The following SLC25A21 variants were observed in gnomAD, a reference collection of about 807,000 sequenced individuals.
SLC25A21 encodes solute carrier family 25 member 21.
A neutral mutation model predicts 43.8 loss-of-function variants in SLC25A21; 47 were observed. The ratio of observed to expected loss-of-function variants is 1.07; its 90% CI spans 0.85 to 1.37. SLC25A21 has a LOEUF of 1.37. SLC25A21 is among the 40% of genes most tolerant of loss of function. SLC25A21 has a pLI of 0.00. For missense variants in SLC25A21, 352 were observed against 350.2 expected (o/e 1.00, Z -0.04); for synonymous variants, 131 against 121.3 (o/e 1.08, Z -0.52).
chr14:36,949,927 A>G (rs1020018471), intron 1 of SLC25A21, among the ~76,000 whole-genome samples: 1 of 152,204 alleles, frequency 6.6e-6, no homozygotes, highest in African/African-American at 2.4e-5. Flanking sequence ...AACATGTACA[A>G]GAAAACTCTG....
intron 7 of SLC25A21, among the ~76,000 whole-genome samples, chr14:36,694,935 G>A (rs1212443603): frequency 2.6e-5 from 4 of 152,096 alleles, no homozygotes; most frequent in African/African-American, 7.2e-5. Flanking sequence ...TGTCAGTTTT[G>A]GCTTTTCTTG....
At chr14:36,709,382 T>A (rs1307490177) in intron 7 of SLC25A21, among the ~76,000 whole-genome samples, 1 of 152,172 alleles carries the variant, frequency 6.6e-6, no homozygotes, top group East Asian at 1.9e-4. Flanking sequence ...CCTTACAAAT[T>A]ATTTAGCAGG....
intron 1 of SLC25A21, among the ~76,000 whole-genome samples, chr14:36,930,600 C>A (rs1244427619): frequency 6.6e-6 from 1 of 152,128 alleles, no homozygotes; most frequent in East Asian, 1.9e-4. Context: ...CACCCCCAGC[C>A]CCTGCTGTAT....
chr14:36,877,001 G>A (rs1890554271), intron 1 of SLC25A21, among the ~76,000 whole-genome samples: 1 of 151,648 alleles, frequency 6.6e-6, no homozygotes, highest in Non-Finnish European at 1.5e-5. Flanking sequence ...TATTATATTA[G>A]TTATAAGATA....
chr14:37,076,400 T>G (rs950529829), intron 1 of SLC25A21, among the ~76,000 whole-genome samples: 2 of 152,134 alleles, frequency 1.3e-5, no homozygotes, highest in Non-Finnish European at 2.9e-5. Flanking sequence ...CTTGAACTCC[T>G]GAGCTCAGGT....
chr14:36,874,442 C>T (rs868126160), intron 2 of SLC25A21, among the ~76,000 whole-genome samples: 3 of 152,180 alleles, frequency 2.0e-5, no homozygotes, highest in Non-Finnish European at 2.9e-5. Context: ...AGATTTAATA[C>T]ATTGCCCTGG....
At chr14:36,928,926 T>C (rs1247901182) in intron 1 of SLC25A21, among the ~76,000 whole-genome samples, 1 of 152,178 alleles carries the variant, frequency 6.6e-6, no homozygotes, top group African/African-American at 2.4e-5. Flanking sequence ...TCATTGTGCA[T>C]AATCCAGGCT....
At position 36,753,976 on chromosome 14, in the gene SLC25A21, C is replaced by T. The variant is rs191643269; in HGVS notation, c.204-19403G>A. ...GAGAGAGAGAAAGAGAGAGAAAAAG[C>T]GAGCAGATCAAAGAGAGATCAAAGT... On this transcript the variant is annotated intron_variant, in intron 3 of 9. Transcript: ENST00000331299. Among the ~76,000 whole-genome samples, 482 of 128,134 alleles carry T rather than the reference C, an allele frequency of 3.8e-3. 3 individuals carry two copies. Among genetic ancestry groups the T allele is most frequent in the African/African-American group, 0.012 (449 of 37,642 alleles). 84.1% of individuals were successfully genotyped at this position (128,134 alleles called of 152,430 possible).
Position 36,725,676 on chromosome 14 carries a change from G to A in SLC25A21, c.332C>T (p.Thr111Ile), listed in dbSNP as rs773529667. 31 of 1,592,398 alleles carry A rather than the reference G, an allele frequency of 1.9e-5. No individual in the cohort carries two copies. Among genetic ancestry groups the A allele is most frequent in the Non-Finnish European group, 2.6e-5 (30 of 1,168,834 alleles). The change falls in exon 6 of 10, where the codon ACA (threonine) becomes ATA (isoleucine). Residue 111 changes from threonine (T) to isoleucine (I), a missense_variant and splice_region_variant. Coordinates refer to ENST00000331299, the MANE Select transcript of SLC25A21 (RefSeq NM_030631.4). ...LGYVSLSPAL[T>I]FAIAGLGSGL... ...AGATCCCAATCCAGCAATGGCGAAT[G>A]TCTAGAAAAATTAAATCAATCAATA... is the stretch of plus-strand genomic sequence containing the variant.
intron 1 of SLC25A21, among the ~76,000 whole-genome samples, chr14:37,124,686 T>C (rs914333991): frequency 6.6e-6 from 1 of 152,142 alleles, no homozygotes; most frequent in Non-Finnish European, 1.5e-5. Flanking sequence ...TGGATCTGTG[T>C]CCCCGCCCAA....
At chr14:36,909,307 C>A (rs1891620453) in intron 1 of SLC25A21, among the ~76,000 whole-genome samples, 1 of 151,752 alleles carries the variant, frequency 6.6e-6, no homozygotes, top group Admixed American at 6.6e-5. Flanking sequence ...GGGATGAGAC[C>A]CTCCAGGGTA....
At chr14:36,964,370 T>C (rs1959566193) in intron 1 of SLC25A21, among the ~76,000 whole-genome samples, 2 of 152,368 alleles carry the variant, frequency 1.3e-5, no homozygotes, top group South Asian at 4.1e-4. Context: ...TAATTTAATA[T>C]GGGTCTACAT....
intron 3 of SLC25A21, among the ~76,000 whole-genome samples, chr14:36,756,507 T>C (rs1296218185): frequency 2.6e-5 from 4 of 152,222 alleles, no homozygotes; most frequent in Non-Finnish European, 5.9e-5. Context: ...GGAGAGGGTC[T>C]CACTCCAGCT....
chr14:36,704,834 C>G (rs1883439865), intron 7 of SLC25A21, among the ~76,000 whole-genome samples: 1 of 152,092 alleles, frequency 6.6e-6, no homozygotes, highest in Non-Finnish European at 1.5e-5. Context: ...GCCGTAACTT[C>G]CTGTTAGGTT....
intron 1 of SLC25A21, among the ~76,000 whole-genome samples, chr14:36,982,749 G>A (rs1180905536): frequency 1.3e-5 from 2 of 152,126 alleles, no homozygotes; most frequent in African/African-American, 4.8e-5. Context: ...GGGAGCCAGA[G>A]GTTGCAGTAA....
At chr14:36,995,680 G>T (rs1201100761) in intron 1 of SLC25A21, among the ~76,000 whole-genome samples, 1 of 152,082 alleles carries the variant, frequency 6.6e-6, no homozygotes, top group Non-Finnish European at 1.5e-5. Context: ...TATAACCCTG[G>T]CTACATATTG....
chr14:36,714,008 C>A (rs981298296), intron 6 of SLC25A21, among the ~76,000 whole-genome samples: 1 of 151,720 alleles, frequency 6.6e-6, no homozygotes, highest in Admixed American at 6.6e-5. Flanking sequence ...AAGACCCTAT[C>A]TCAAAACAAA....
intron 1 of SLC25A21, among the ~76,000 whole-genome samples, chr14:36,914,381 C>T (rs1172392439): frequency 3.3e-5 from 5 of 152,122 alleles, no homozygotes; most frequent in African/African-American, 1.2e-4. Flanking sequence ...CAGTTGATTG[C>T]CAATGGAAGC....
intron 1 of SLC25A21, among the ~76,000 whole-genome samples, chr14:36,882,777 T>C (rs1459619338): frequency 6.6e-6 from 1 of 151,642 alleles, no homozygotes; most frequent in Non-Finnish European, 1.5e-5. Context: ...TCTGCCTGGA[T>C]ATCTAGTAGC....
Sources: gnomAD v4.1 joint callset for allele counts (sites outside exome capture counted in the v4.1 genomes callset) on GRCh38, gnomAD v4.1.1 for gene constraint, MANE v1.5 for transcripts, NCBI Gene and HGNC (gene_info 2026-07-23, HGNC 2026-07-21) for gene names.